CYP2B6: variants seen among roughly 807,000 people sequenced by gnomAD.
CYP2B6 encodes cytochrome P450 2B6.
Under a neutral mutation model 43.4 loss-of-function variants are expected in CYP2B6, and 35 were observed. The ratio of observed to expected loss-of-function variants is 0.81; its 90% CI spans 0.62 to 1.07. CYP2B6 has a LOEUF of 1.07. Ranked by LOEUF, CYP2B6 falls within the 50% of genes least tolerant of loss-of-function variation. The pLI is 0.00. For synonymous variants in CYP2B6, 239 were observed against 239.2 expected, an observed-to-expected ratio of 1.00 and a Z score of 0.01; for missense variants, 624 against 632.8, an observed-to-expected ratio of 0.99 and a Z score of 0.15.
chr19:41,015,452 G>A (rs1370589900), intron 8 of CYP2B6, among the ~76,000 whole-genome samples: 1 of 152,202 alleles, frequency 6.6e-6, no homozygotes, highest in Non-Finnish European at 1.5e-5. Context: ...CATAGGGAAT[G>A]CCTGAAAACT....
chr19:40,998,504 T>C (rs1242815698), intron 1 of CYP2B6, among the ~76,000 whole-genome samples: 1 of 150,698 alleles, frequency 6.6e-6, no homozygotes, highest in Non-Finnish European at 1.5e-5. Flanking sequence ...ACATGTGCCA[T>C]GCTGGTGCGC....
intron 1 of CYP2B6, 55 bp from the exon 2 acceptor site, chr19:41,003,946 A>G (rs558355634): frequency 1.3e-4 from 202 of 1,586,112 alleles, no homozygotes; most frequent in Admixed American, 6.2e-4. Context: ...TGATAGTTTT[A>G]CAAATGAGGT....
Position 41,013,100 on chromosome 19 carries a change from A to G in CYP2B6, c.1294+285A>G, listed in dbSNP as rs187840212. On this transcript the variant is annotated intron_variant, in intron 8 of 8. Transcript: ENST00000324071. ...AAAAAGAAAAAATCTGTTGGGCACC[A>G]CTGTAAGCCCAGTGCTGTACTGGGG... 50 of 438,028 alleles carry G rather than the reference A, an allele frequency of 1.1e-4. No individual in the cohort carries two copies. In the East Asian group the frequency reaches 1.3e-3, roughly 12 times the overall value. The allele number at this position is 438,028 out of a possible 1,614,324, so 27.1% of individuals were successfully genotyped here. A position where few individuals can be genotyped will look rare whatever the true frequency, so the allele number is the denominator to read the frequency against.
intron 1 of CYP2B6, among the ~76,000 whole-genome samples, chr19:40,996,422 G>GA (rs1969000476): frequency 6.6e-6 from 1 of 152,064 alleles, no homozygotes; most frequent in African/African-American, 2.4e-5. Flanking sequence ...CTACGGTTAT[G>GA]GCATTGATTG....
At chr19:41,012,919 T>A in intron 8 of CYP2B6, 104 bp downstream of exon 8, 1 of 1,290,608 alleles carries the variant, frequency 7.7e-7, no homozygotes. Flanking sequence ...ACTTAATATA[T>A]TCTGATTGCT....
chr19:41,017,202 T>C lies in CYP2B6; in HGVS notation c.*375T>C, dbSNP rs1200875426. On this transcript the variant is annotated 3_prime_UTR_variant, in exon 9 of 9. Coordinates refer to ENST00000324071, the MANE Select transcript of CYP2B6 (RefSeq NM_000767.5). ...GGATTACAGGCATGCACTACCACGC[T>C]TGGCTAATTTTTGTATTTTTAGTAG... 1.9e-5 allele frequency: 3 copies of C among 161,110 alleles called. No individual in the cohort carries two copies. The highest frequency in any genetic ancestry group is 1.7e-4 in the South Asian group (1 of 5,952). The allele number at this position is 161,110 out of a possible 1,614,324, so 10.0% of individuals were successfully genotyped here. A position where few individuals can be genotyped will look rare whatever the true frequency, so the allele number is the denominator to read the frequency against.
intron 1 of CYP2B6, among the ~76,000 whole-genome samples, chr19:40,992,842 A>G (rs2144655584): frequency 6.6e-6 from 1 of 152,204 alleles, no homozygotes; most frequent in South Asian, 2.1e-4. Context: ...AAAATACAAC[A>G]CATCAGGGAG....
In CYP2B6 at chr19:41,016,940, C is replaced by T. The variant is rs1442357167; in HGVS notation, c.*113C>T. ...CTGCCTCTGAGAGACCTGCTACAAGCCAGCTTCCTTCCCCTCCATGGCACC... is the reference window on the plus strand; with the variant it reads ...CTGCCTCTGAGAGACCTGCTACAAGTCAGCTTCCTTCCCCTCCATGGCACC... On this transcript the variant is annotated 3_prime_UTR_variant, in exon 9 of 9. Transcript: ENST00000324071. 39 of 1,141,966 alleles carry T rather than the reference C, an allele frequency of 3.4e-5. No homozygotes were observed. The highest frequency in any genetic ancestry group is 4.6e-5 in the Non-Finnish European group (37 of 802,544). The allele number at this position is 1,141,966 out of a possible 1,614,324, so 70.7% of individuals were successfully genotyped here.
chr19:41,003,044 T>A (rs1969120508), intron 1 of CYP2B6, among the ~76,000 whole-genome samples: 2 of 152,258 alleles, frequency 1.3e-5, no homozygotes, highest in African/African-American at 2.4e-5. Flanking sequence ...AGCATTTTAT[T>A]AAGAAAGCTT....
intron 1 of CYP2B6, among the ~76,000 whole-genome samples, chr19:40,999,471 G>T (rs1469825789): frequency 6.6e-6 from 1 of 152,048 alleles, no homozygotes; most frequent in Non-Finnish European, 1.5e-5. Flanking sequence ...ATTGGTTTTG[G>T]TTTTTTAGAC....
intron 3 of CYP2B6, among the ~76,000 whole-genome samples, chr19:41,005,821 G>C (rs1969172809): frequency 6.6e-6 from 1 of 151,960 alleles, no homozygotes; most frequent in Non-Finnish European, 1.5e-5. Flanking sequence ...GAACGGCAGG[G>C]GGGAGACAAA....
chr19:41,012,578 G>C, intron 7 of CYP2B6, 93 bp downstream of exon 7: 5 of 1,609,508 alleles, frequency 3.1e-6, no homozygotes, highest in Non-Finnish European at 4.3e-6. Flanking sequence ...CCTTAATTGA[G>C]TCCCGTTGTT....
chr19:41,006,354 G>A (rs1385117825), intron 3 of CYP2B6, among the ~76,000 whole-genome samples: 1 of 126,196 alleles, frequency 7.9e-6, no homozygotes, highest in African/African-American at 3.1e-5. Context: ...TGTAGAGACA[G>A]GGTCTCCTTA....
chr19:40,996,587 T>A (rs1206200500), intron 1 of CYP2B6, among the ~76,000 whole-genome samples: 1 of 152,154 alleles, frequency 6.6e-6, no homozygotes, highest in Non-Finnish European at 1.5e-5. Context: ...ATGGATTTGA[T>A]AAACCAAATA....
At chr19:40,997,363 G>A (rs1293480683) in intron 1 of CYP2B6, among the ~76,000 whole-genome samples, 2 of 152,126 alleles carry the variant, frequency 1.3e-5, no homozygotes, top group Middle Eastern at 3.4e-3. Flanking sequence ...GGGAGAATTA[G>A]AACACTGACA....
intron 6 of CYP2B6, 132 bp from the exon 7 acceptor site, chr19:41,012,166 T>C: frequency 1.2e-6 from 1 of 822,396 alleles, no homozygotes; most frequent in Non-Finnish European, 2.0e-6. Context: ...GCCAGGCTCA[T>C]CTTGAACTCC....
At chr19:41,012,899 T>C in intron 8 of CYP2B6, 84 bp downstream of exon 8, 9 of 1,452,900 alleles carry the variant, frequency 6.2e-6, no homozygotes, top group Middle Eastern at 1.7e-4. Flanking sequence ...GAGATACTGA[T>C]TATTTGAGCA....
intron 1 of CYP2B6, among the ~76,000 whole-genome samples, chr19:40,991,925 A>T (rs1246714389): frequency 6.6e-6 from 1 of 152,070 alleles, no homozygotes; most frequent in Non-Finnish European, 1.5e-5. Flanking sequence ...CATTTGGGCC[A>T]GGTGCAGTGG....
chr19:40,996,296 T>C (rs964093028), intron 1 of CYP2B6, among the ~76,000 whole-genome samples: 6 of 152,190 alleles, frequency 3.9e-5, no homozygotes, highest in African/African-American at 1.4e-4. Context: ...ATTAATTCCT[T>C]CTTCAATACC....
Sources: gnomAD v4.1 joint callset for allele counts (sites outside exome capture counted in the v4.1 genomes callset) on GRCh38, gnomAD v4.1.1 for gene constraint, MANE v1.5 for transcripts, NCBI Gene and HGNC (gene_info 2026-07-23, HGNC 2026-07-21) for gene names.